KCNQ1OT1: variants seen among roughly 807,000 people sequenced by gnomAD.
KCNQ1OT1 encodes KCNQ1 opposite strand/antisense transcript 1.
chr11:2,673,330 T>C lies in KCNQ1OT1; in HGVS notation n.26665A>G, dbSNP rs1850220896. ...ATCCCACAGGCTACCAGGCCAGCTT[T>C]TGGAAACAGTCTCATTAGCAAACAA... is the stretch of plus-strand genomic sequence containing the variant. On this transcript the variant is annotated non_coding_transcript_exon_variant, in exon 1 of 1. Coordinates refer to ENST00000597346, the Ensembl canonical transcript of KCNQ1OT1. The surrounding 1 kb of genome is among the most constrained non-coding windows in gnomAD (Gnocchi z 4.5). The C allele has an allele frequency of 2.5e-6, 1 of 398,632 alleles. No individual in the cohort carries two copies. The highest frequency in any genetic ancestry group is 4.4e-6 in the Non-Finnish European group (1 of 226,162). 24.7% of individuals were successfully genotyped at this position (398,632 alleles called of 1,614,324 possible). A position where few individuals can be genotyped will look rare whatever the true frequency, so the allele number is the denominator to read the frequency against.
At position 2,626,263 on chromosome 11, in the gene KCNQ1OT1, A is replaced by G. The variant is rs929480732; in HGVS notation, n.73732T>C. ...AAGGGTCTCAACTTCATTCTCTTTT[A>G]TACATGGTTAGGTAAGGATCTCAAC... is the stretch of plus-strand genomic sequence containing the variant. On this transcript the variant is annotated non_coding_transcript_exon_variant, in exon 1 of 1. Coordinates refer to ENST00000597346, the Ensembl canonical transcript of KCNQ1OT1. The surrounding 1 kb of genome is among the most constrained non-coding windows in gnomAD (Gnocchi z 4.0). The G allele has an allele frequency of 1.1e-4, 43 of 398,262 alleles. No individual in the cohort carries two copies. Among genetic ancestry groups the G allele is most frequent in the Non-Finnish European group, 8.4e-5 (19 of 226,034 alleles). 24.7% of individuals were successfully genotyped at this position (398,262 alleles called of 1,614,324 possible). A position where few individuals can be genotyped will look rare whatever the true frequency, so the allele number is the denominator to read the frequency against.
At chr11:2,665,535 T>C (rs1458061771) in exon 1 of KCNQ1OT1, 1 of 393,300 alleles carries the variant, frequency 2.5e-6, no homozygotes, top group Non-Finnish European at 4.4e-6. Context: ...TAGAATGCCC[T>C]TGTCACCCAT....
Position 2,653,710 on chromosome 11 carries a change from C to A in KCNQ1OT1, n.46285G>T, listed in dbSNP as rs931391632. On this transcript the variant is annotated non_coding_transcript_exon_variant, in exon 1 of 1. Transcript: ENST00000597346. This position sits in a 1 kb window ranked among gnomAD's most constrained non-coding sequence, Gnocchi z 5.3. ...GAAGCCCAGCAGAACGAGGTCATCT[C>A]TTCCAGGATTCCTGCCAGAATCTAA... 1.3e-5 allele frequency: 5 copies of A among 398,578 alleles called. No individual in the cohort carries two copies. Among genetic ancestry groups the A allele is most frequent in the African/African-American group, 4.1e-5 (2 of 48,652 alleles). The allele number at this position is 398,578 out of a possible 1,614,324, so 24.7% of individuals were successfully genotyped here.
At chr11:2,631,088 T>G (rs1046160461) in exon 1 of KCNQ1OT1, 1 of 398,556 alleles carries the variant, frequency 2.5e-6, no homozygotes, top group Non-Finnish European at 4.4e-6. Flanking sequence ...ATTGTAATTC[T>G]TTGAGCTTCA....
In KCNQ1OT1 at chr11:2,623,410, T is replaced by C; in HGVS notation, n.76585A>G. On this transcript the variant is annotated non_coding_transcript_exon_variant, in exon 1 of 1. Coordinates refer to ENST00000597346, the Ensembl canonical transcript of KCNQ1OT1. The surrounding 1 kb of genome is among the most constrained non-coding windows in gnomAD (Gnocchi z 5.2). Reference sequence around the variant, plus strand: ...TTTTCACTGCCCTAAAAGTACTCTGTGCACTGCCTATTCAACCCTTCTTCC... The same window carrying C: ...TTTTCACTGCCCTAAAAGTACTCTGCGCACTGCCTATTCAACCCTTCTTCC... The C allele has an allele frequency of 2.5e-6, 1 of 398,636 alleles. No homozygotes were observed. The highest frequency in any genetic ancestry group is 4.4e-6 in the Non-Finnish European group (1 of 226,072). The allele number at this position is 398,636 out of a possible 1,614,324, so 24.7% of individuals were successfully genotyped here. A position where few individuals can be genotyped will look rare whatever the true frequency, so the allele number is the denominator to read the frequency against.
In KCNQ1OT1 at chr11:2,653,286, G is replaced by A. The variant is rs1203149965; in HGVS notation, n.46709C>T. ...TCTGCCCTGAAAACTAGTGGGGGCAGTGCAGACCAGTTTAGCTATTTTGTA... is the reference window on the plus strand; with the variant it reads ...TCTGCCCTGAAAACTAGTGGGGGCAATGCAGACCAGTTTAGCTATTTTGTA... On this transcript the variant is annotated non_coding_transcript_exon_variant, in exon 1 of 1. Coordinates refer to ENST00000597346, the Ensembl canonical transcript of KCNQ1OT1. The surrounding 1 kb of genome is among the most constrained non-coding windows in gnomAD (Gnocchi z 5.3). 3 of 398,646 alleles carry A rather than the reference G, an allele frequency of 7.5e-6. No homozygotes were observed. The highest frequency in any genetic ancestry group is 1.3e-5 in the Non-Finnish European group (3 of 226,156). 24.7% of individuals were successfully genotyped at this position (398,646 alleles called of 1,614,324 possible). A position where few individuals can be genotyped will look rare whatever the true frequency, so the allele number is the denominator to read the frequency against.
chr11:2,610,754 C>A lies in KCNQ1OT1; in HGVS notation n.89241G>T, dbSNP rs142234622. 334 of 168,496 alleles carry A rather than the reference C, an allele frequency of 2.0e-3. 6 individuals carry two copies. The East Asian group carries it at 0.035, about 18-fold the overall frequency. The allele number at this position is 168,496 out of a possible 1,614,324, so 10.4% of individuals were successfully genotyped here. On this transcript the variant is annotated non_coding_transcript_exon_variant, in exon 1 of 1. Coordinates refer to ENST00000597346, the Ensembl canonical transcript of KCNQ1OT1. ...TTTTTTTTTTTTTTTTTACTTTGAGCACTTGGGATCTGTTACCCCACTACT... is the reference window on the plus strand; with the variant it reads ...TTTTTTTTTTTTTTTTTACTTTGAGAACTTGGGATCTGTTACCCCACTACT...
At position 2,674,815 on chromosome 11, in the gene KCNQ1OT1, C is replaced by G; in HGVS notation, n.25180G>C. On this transcript the variant is annotated non_coding_transcript_exon_variant, in exon 1 of 1. Transcript: ENST00000597346. The surrounding 1 kb of genome is among the most constrained non-coding windows in gnomAD (Gnocchi z 5.9). ...TGCTGGCCTTTGGAAAGGCTTGTCA[C>G]CCTAATAGCTGTTTTTTAAAAAAAA... 2.6e-6 allele frequency: 1 copy of G among 391,966 alleles called. No homozygotes were observed. The highest frequency in any genetic ancestry group is 4.4e-6 in the Non-Finnish European group (1 of 224,990). The allele number at this position is 391,966 out of a possible 1,614,324, so 24.3% of individuals were successfully genotyped here.
At chr11:2,696,455 C>T (rs1220682053) in exon 1 of KCNQ1OT1, 3 of 398,564 alleles carry the variant, frequency 7.5e-6, no homozygotes, top group Admixed American at 4.4e-5. Context: ...TGTCACCACA[C>T]CGCTCTGATT....
At position 2,629,784 on chromosome 11, in the gene KCNQ1OT1, A is replaced by G. The variant is rs939144803; in HGVS notation, n.70211T>C. 1.3e-5 allele frequency: 5 copies of G among 398,422 alleles called. 1 individual carries two copies. The highest frequency in any genetic ancestry group is 8.8e-5 in the Admixed American group (2 of 22,730). The allele number at this position is 398,422 out of a possible 1,614,324, so 24.7% of individuals were successfully genotyped here. A position where few individuals can be genotyped will look rare whatever the true frequency, so the allele number is the denominator to read the frequency against. On this transcript the variant is annotated non_coding_transcript_exon_variant, in exon 1 of 1. Transcript: ENST00000597346. ...CTGAATGCTGATTTTGTATCCTGCC[A>G]CTTTACTGAGTTAGATTATTACTTC...
At position 2,659,537 on chromosome 11, in the gene KCNQ1OT1, T is replaced by A. The variant is rs1849913228; in HGVS notation, n.40458A>T. On this transcript the variant is annotated non_coding_transcript_exon_variant, in exon 1 of 1. Transcript: ENST00000597346. The surrounding 1 kb of genome is among the most constrained non-coding windows in gnomAD (Gnocchi z 4.3). The stretch of plus-strand genomic sequence containing the variant: ...GGACATCTTCATTGTTTCCAGTATT[T>A]GGTAATTATGAGCAGAGTTACTATA... 2.5e-6 allele frequency: 1 copy of A among 398,466 alleles called. No homozygotes were observed. The highest frequency in any genetic ancestry group is 2.1e-5 in the African/African-American group (1 of 48,648). 24.7% of individuals were successfully genotyped at this position (398,466 alleles called of 1,614,324 possible). A position where few individuals can be genotyped will look rare whatever the true frequency, so the allele number is the denominator to read the frequency against.
exon 1 of KCNQ1OT1, chr11:2,644,703 GA>G: frequency 2.5e-6 from 1 of 398,564 alleles, no homozygotes. Context: ...TCTTTCCTAA[GA>G]GAGTCTTGTT....
At chr11:2,688,723 G>A in exon 1 of KCNQ1OT1, 1 of 398,988 alleles carries the variant, frequency 2.5e-6, no homozygotes, top group South Asian at 1.3e-4. Context: ...CAAATTGGGT[G>A]GCCCGGCTCT....
Position 2,668,513 on chromosome 11 carries a change from G to A in KCNQ1OT1, n.31482C>T. The A allele has an allele frequency of 2.5e-6, 1 of 398,560 alleles. No homozygotes were observed. Among genetic ancestry groups the A allele is most frequent in the Non-Finnish European group, 4.4e-6 (1 of 226,060 alleles). The allele number at this position is 398,560 out of a possible 1,614,324, so 24.7% of individuals were successfully genotyped here. A position where few individuals can be genotyped will look rare whatever the true frequency, so the allele number is the denominator to read the frequency against. On this transcript the variant is annotated non_coding_transcript_exon_variant, in exon 1 of 1. Coordinates refer to ENST00000597346, the Ensembl canonical transcript of KCNQ1OT1. The surrounding 1 kb of genome is among the most constrained non-coding windows in gnomAD (Gnocchi z 4.3). Reference sequence around the variant, plus strand: ...TGGTGAATGTCTAGCAGCATCAAATGGTGATTTTAATTTGCAGTAACCTGT... The same window carrying A: ...TGGTGAATGTCTAGCAGCATCAAATAGTGATTTTAATTTGCAGTAACCTGT...
rs1762334784 is a variant in KCNQ1OT1, at chr11:2,620,949, T to TTTG, written n.79045_79046insCAA. The TTTG allele has an allele frequency of 7.9e-6, 2 of 252,972 alleles. No individual in the cohort carries two copies. Among genetic ancestry groups the TTTG allele is most frequent in the Admixed American group, 2.6e-4 (2 of 7,782 alleles). 15.7% of individuals were successfully genotyped at this position (252,972 alleles called of 1,614,324 possible). On this transcript the variant is annotated non_coding_transcript_exon_variant, in exon 1 of 1. Transcript: ENST00000597346. This position sits in a 1 kb window ranked among gnomAD's most constrained non-coding sequence, Gnocchi z 4.5. ...TTTTTGTTGTTGTTGTTTTGTTTTGTTTTTTTTTGTCTGTTTTTTGCTTTT... is the reference window on the plus strand; with the variant it reads ...TTTTTGTTGTTGTTGTTTTGTTTTGTTTGTTTTTTTTGTCTGTTTTTTGCTTTT...
At position 2,691,147 on chromosome 11, in the gene KCNQ1OT1, G is replaced by T. The variant is rs953500561; in HGVS notation, n.8848C>A. ...CAGACCTGGTGCAGAGTCTGTGCTGGCCTCTGGCCTCTCACAGCCTTGGGA... is the reference window on the plus strand; with the variant it reads ...CAGACCTGGTGCAGAGTCTGTGCTGTCCTCTGGCCTCTCACAGCCTTGGGA... On this transcript the variant is annotated non_coding_transcript_exon_variant, in exon 1 of 1. Coordinates refer to ENST00000597346, the Ensembl canonical transcript of KCNQ1OT1. This position sits in a 1 kb window ranked among gnomAD's most constrained non-coding sequence, Gnocchi z 6.4. 2 of 398,528 alleles carry T rather than the reference G, an allele frequency of 5.0e-6. No individual in the cohort carries two copies. Among genetic ancestry groups the T allele is most frequent in the African/African-American group, 4.1e-5 (2 of 48,626 alleles). The allele number at this position is 398,528 out of a possible 1,614,324, so 24.7% of individuals were successfully genotyped here.
exon 1 of KCNQ1OT1, chr11:2,660,954 G>T: frequency 2.5e-6 from 1 of 398,638 alleles, no homozygotes; most frequent in Non-Finnish European, 4.4e-6. Context: ...ATGGTTAGCT[G>T]TGGCCAATCT....
At chr11:2,688,882 G>C in exon 1 of KCNQ1OT1, 1 of 399,020 alleles carries the variant, frequency 2.5e-6, no homozygotes, top group Non-Finnish European at 4.4e-6. Context: ...AGCAAGGTCA[G>C]GTTGGAAGCT....
Position 2,654,757 on chromosome 11 carries a change from A to T in KCNQ1OT1, n.45238T>A, listed in dbSNP as rs1357199776. On this transcript the variant is annotated non_coding_transcript_exon_variant, in exon 1 of 1. Coordinates refer to ENST00000597346, the Ensembl canonical transcript of KCNQ1OT1. This position sits in a 1 kb window ranked among gnomAD's most constrained non-coding sequence, Gnocchi z 6.4. The stretch of plus-strand genomic sequence containing the variant: ...GCAGGGAGGGGTCTGGGGCTCGATG[A>T]GAAGGCAGAGGAAGTGAGACCAGAA... The T allele has an allele frequency of 5.0e-6, 2 of 398,576 alleles. No homozygotes were observed. The highest frequency in any genetic ancestry group is 4.1e-5 in the African/African-American group (2 of 48,592). 24.7% of individuals were successfully genotyped at this position (398,576 alleles called of 1,614,324 possible). A position where few individuals can be genotyped will look rare whatever the true frequency, so the allele number is the denominator to read the frequency against.
Sources: gnomAD v4.1 joint callset for allele counts on GRCh38, gnomAD v4.1.1 for gene constraint, Gnocchi (gnomAD v3.1) non-coding constraint, MANE v1.5 for transcripts, NCBI Gene and HGNC (gene_info 2026-07-23, HGNC 2026-07-21) for gene names.